The following SLC5A8 variants were observed in gnomAD, a reference collection of about 807,000 sequenced individuals.
SLC5A8 encodes sodium-coupled monocarboxylate transporter 1.
A neutral mutation model predicts 71.9 loss-of-function variants in SLC5A8; 55 were observed. That is an observed-to-expected ratio of 0.77 (90% CI 0.62 to 0.96). The LOEUF (loss-of-function observed/expected upper bound fraction) is 0.96. Among genes scored for constraint, SLC5A8 ranks in the 40% least tolerant of loss-of-function variants. The pLI is 0.00. For synonymous variants in SLC5A8, 307 were observed against 276.1 expected, an observed-to-expected ratio of 1.11 and a Z score of -1.11; for missense variants, 701 against 745.3, an observed-to-expected ratio of 0.94 and a Z score of 0.69.
intron 10 of SLC5A8, 122 bp from the exon 11 acceptor site, chr12:101,168,304 G>T: frequency 2.2e-6 from 2 of 889,444 alleles, no homozygotes; most frequent in Non-Finnish European, 3.4e-6. Flanking sequence ...CATAGTTTCA[G>T]TCATGATAGC....
intron 13 of SLC5A8, among the ~76,000 whole-genome samples, chr12:101,161,033 A>C (rs891848583): frequency 1.3e-5 from 2 of 152,228 alleles, no homozygotes; most frequent in Admixed American, 1.3e-4. Context: ...AAAATGGGAC[A>C]CACACAAAGT....
chr12:101,162,560 C>T (rs924654129), intron 12 of SLC5A8, among the ~76,000 whole-genome samples: 1 of 152,152 alleles, frequency 6.6e-6, no homozygotes, highest in African/African-American at 2.4e-5. Context: ...TACCATGCAG[C>T]CATGAAAAAA....
Position 101,210,000 on chromosome 12 carries a change from G to T in SLC5A8, c.-152C>A, listed in dbSNP as rs2137178068. 1.6e-6 allele frequency: 1 copy of T among 628,706 alleles called. No individual in the cohort carries two copies. Among genetic ancestry groups the T allele is most frequent in the Non-Finnish European group, 2.5e-6 (1 of 395,944 alleles). The allele number at this position is 628,706 out of a possible 1,614,324, so 38.9% of individuals were successfully genotyped here. A position where few individuals can be genotyped will look rare whatever the true frequency, so the allele number is the denominator to read the frequency against. On this transcript the variant is annotated 5_prime_UTR_variant, in exon 1 of 15. Transcript: ENST00000536262. Reference sequence around the variant, plus strand: ...GTCCTCCAGGTGTCGGCCTCCGAACGCACCCCGAGGCGGGGTGAGGGCTGG... The same window carrying T: ...GTCCTCCAGGTGTCGGCCTCCGAACTCACCCCGAGGCGGGGTGAGGGCTGG...
Position 101,159,965 on chromosome 12 carries a change from T to A in SLC5A8, c.1631-1637A>T, listed in dbSNP as rs564338637. 1.4e-4 allele frequency among the ~76,000 whole-genome samples: 21 copies of A among 152,312 alleles called. No individual in the cohort carries two copies. In the South Asian group the frequency reaches 4.4e-3, roughly 32 times the overall value. ...GGGAGACCAAGGTGGGCAGATCACCTGAGGTCAGGAGTTCGAGACCAGCCT... is the reference window on the plus strand; with the variant it reads ...GGGAGACCAAGGTGGGCAGATCACCAGAGGTCAGGAGTTCGAGACCAGCCT... On this transcript the variant is annotated intron_variant, in intron 13 of 14. Coordinates refer to ENST00000536262, the MANE Select transcript of SLC5A8 (RefSeq NM_145913.5).
intron 5 of SLC5A8, among the ~76,000 whole-genome samples, chr12:101,192,750 A>G (rs919612662): frequency 6.6e-6 from 1 of 152,222 alleles, no homozygotes; most frequent in Non-Finnish European, 1.5e-5. Context: ...TATAATACAT[A>G]CACATACATA....
chr12:101,195,112 T>G lies in SLC5A8; in HGVS notation c.520A>C (p.Thr174Pro). ...GGACGTACCAGTGTGCAGTAGAATG[T>G]GCAGACCACCCCCGTTGCCACTACC... The part of the protein sequence containing the change: ...GAVVATGVVC[T>P]FYCTLGGLKA... The change falls in exon 4 of 15, where the codon ACA (threonine) becomes CCA (proline). Residue 174 changes from threonine (T) to proline (P), a missense_variant. Thr to Pro is a conservative substitution (Grantham distance 38). Transcript: ENST00000536262. 6.2e-7 allele frequency: 1 copy of G among 1,614,146 alleles called. No individual in the cohort carries two copies.
chr12:101,187,239 A>T, intron 7 of SLC5A8, 147 bp downstream of exon 7: 1 of 905,598 alleles, frequency 1.1e-6, no homozygotes, highest in Non-Finnish European at 1.6e-6. Context: ...GCTAAAATAA[A>T]TTCTTAACAA....
In SLC5A8 at chr12:101,156,329, T is replaced by C. The variant is rs144997455; in HGVS notation, c.*950A>G. 56 of 152,288 alleles carry C rather than the reference T, an allele frequency of 3.7e-4. No homozygotes were observed. The highest frequency in any genetic ancestry group is 7.2e-4 in the Non-Finnish European group (49 of 68,012). 9.4% of individuals were successfully genotyped at this position (152,288 alleles called of 1,614,324 possible). A position where few individuals can be genotyped will look rare whatever the true frequency, so the allele number is the denominator to read the frequency against. On this transcript the variant is annotated 3_prime_UTR_variant, in exon 15 of 15. Transcript: ENST00000536262. ...TGGAGCTTAACCATTTTGAAGAATA[T>C]AATATTCTTGGATCATCAAGTCCAT...
At chr12:101,202,322 T>A in intron 2 of SLC5A8, 107 bp from the exon 3 acceptor site, 1 of 1,056,686 alleles carries the variant, frequency 9.5e-7, no homozygotes, top group Non-Finnish European at 1.3e-6. Context: ...AATTATGACT[T>A]AAAACAACAG....
intron 9 of SLC5A8, 46 bp from the exon 10 acceptor site, chr12:101,180,142 A>G (rs1004597482): frequency 1.3e-6 from 2 of 1,578,708 alleles, no homozygotes; most frequent in Admixed American, 3.3e-5. Context: ...CACCCAGAGA[A>G]TTAGAATTCT....
At chr12:101,159,313 G>A (rs1008402910) in intron 13 of SLC5A8, among the ~76,000 whole-genome samples, 4 of 152,176 alleles carry the variant, frequency 2.6e-5, no homozygotes, top group African/African-American at 9.7e-5. Context: ...TACCTACTGT[G>A]TGCTGGAGAT....
Position 101,206,588 on chromosome 12 carries a change from A to G in SLC5A8, c.352-2023T>C, listed in dbSNP as rs1466916223. Among the ~76,000 whole-genome samples the G allele has an allele frequency of 3.3e-5, 5 of 152,322 alleles. No individual in the cohort carries two copies. The East Asian group carries it at 9.6e-4, about 29-fold the overall frequency. On this transcript the variant is annotated intron_variant, in intron 1 of 14. Coordinates refer to ENST00000536262, the MANE Select transcript of SLC5A8 (RefSeq NM_145913.5). ...TAGGCTGCTGAAGAAATACCCGGAG[A>G]CTGGACCAGATGCCCAAGTCACTGT...
In SLC5A8 at chr12:101,166,522, T is replaced by C; in HGVS notation, c.1498A>G (p.Ser500Gly). ...TGAACATTGTATATTTGAAAAACACTAGTAGTAAATGGCATTTCTGTGGTT... is the reference window on the plus strand; with the variant it reads ...TGAACATTGTATATTTGAAAAACACCAGTAGTAAATGGCATTTCTGTGGTT... ...MTTTEMPFTT[S>G]VFQIYNVQRT... Residue 500 changes from serine (S) to glycine (G), a missense_variant, in exon 12 of 15, where the codon AGT (serine) becomes GGT (glycine). Physicochemically the swap from Ser to Gly is moderately conservative, Grantham distance 56 (BLOSUM62 0). Coordinates refer to ENST00000536262, the MANE Select transcript of SLC5A8 (RefSeq NM_145913.5). 2.5e-6 allele frequency: 4 copies of C among 1,613,820 alleles called. No homozygotes were observed. The highest frequency in any genetic ancestry group is 3.4e-6 in the Non-Finnish European group (4 of 1,179,882).
rs540447443 is a variant in SLC5A8, at chr12:101,189,112, T to A, written c.833+1356A>T. ...TATCAAGAAAGCTCTAATGCTGCTA[T>A]TTAAGTTATCAAGTCGGGCTTTTTG... On this transcript the variant is annotated intron_variant, in intron 6 of 14. Transcript: ENST00000536262. Among the ~76,000 whole-genome samples, 41 of 152,336 alleles carry A rather than the reference T, an allele frequency of 2.7e-4. No homozygotes were observed. In the South Asian group the frequency reaches 8.5e-3, roughly 32 times the overall value.
chr12:101,209,122 G>A (rs1431500051), intron 1 of SLC5A8, among the ~76,000 whole-genome samples: 1 of 152,162 alleles, frequency 6.6e-6, no homozygotes, highest in Non-Finnish European at 1.5e-5. Flanking sequence ...AAGAAGCAGG[G>A]CCTGAGACCT....
At chr12:101,163,578 C>T (rs894823512) in intron 12 of SLC5A8, among the ~76,000 whole-genome samples, 7 of 152,178 alleles carry the variant, frequency 4.6e-5, no homozygotes, top group African/African-American at 1.7e-4. Context: ...ACTTGGGAGG[C>T]TGAGGCACAA....
intron 9 of SLC5A8, 50 bp from the exon 10 acceptor site, chr12:101,180,146 G>A: frequency 6.4e-7 from 1 of 1,555,296 alleles, no homozygotes; most frequent in Non-Finnish European, 8.9e-7. Flanking sequence ...CAGAGAATTA[G>A]AATTCTCAAT....
chr12:101,180,031 G>A lies in SLC5A8; in HGVS notation c.1231C>T (p.Gln411Ter), dbSNP rs1308744161. The stretch of plus-strand genomic sequence containing the variant: ...AACCTCCAGGGGCCAGCTCTCACCT[G>A]CAACAAAGCTCCCATAAGTGACGCC... ...ALASLMGALL[Q>*]AALSVFGMVG... The change falls in exon 10 of 15, where the codon CAG becomes TAG. Residue 411 changes from glutamine to a stop codon, truncating the protein, a stop_gained and splice_region_variant. Transcript: ENST00000536262. LOFTEE classifies it high-confidence loss of function. The A allele has an allele frequency of 3.1e-6, 5 of 1,613,854 alleles. No homozygotes were observed. The highest frequency in any genetic ancestry group is 4.2e-6 in the Non-Finnish European group (5 of 1,179,904).
At chr12:101,195,513 T>C (rs190100936) in intron 3 of SLC5A8, among the ~76,000 whole-genome samples, 2 of 152,282 alleles carry the variant, frequency 1.3e-5, no homozygotes, top group East Asian at 3.9e-4. Flanking sequence ...TCTATTTTTA[T>C]GTAATGTTGC....
Sources: allele counts gnomAD v4.1 joint callset (sites outside exome capture counted in the v4.1 genomes callset), GRCh38; gene constraint gnomAD v4.1.1; transcripts MANE v1.5; gene names NCBI Gene and HGNC (gene_info 2026-07-23, HGNC 2026-07-21).